Variants in TIA1 observed in about 807,000 individuals in gnomAD.
The protein encoded by TIA1 is TIA1 cytotoxic granule associated RNA binding protein.
TIA1 carries 23 observed loss-of-function variants against 65.9 expected under a neutral mutation model. The ratio of observed to expected loss-of-function variants is 0.35; its 90% confidence interval spans 0.25 to 0.49. The LOEUF is 0.49. Ranked by LOEUF, TIA1 falls within the 20% of genes least tolerant of loss-of-function variation. The pLI, the probability that TIA1 is intolerant of heterozygous loss-of-function variation, is 0.98. For synonymous variants in TIA1, 147 were observed against 149.4 expected, an observed-to-expected ratio of 0.98 and a Z score of 0.12; for missense variants, 371 against 477.9, an observed-to-expected ratio of 0.78 and a Z score of 2.09.
chr2:70,235,794 C>A (rs1332525321), intron 2 of TIA1, among the ~76,000 whole-genome samples: 1 of 152,088 alleles, frequency 6.6e-6, no homozygotes, highest in East Asian at 1.9e-4. Flanking sequence ...CCTGAAAGAG[C>A]CCATATATAT....
chr2:70,217,118 A>G, intron 7 of TIA1, 124 bp from the exon 8 acceptor site: 1 of 853,512 alleles, frequency 1.2e-6, no homozygotes, highest in Non-Finnish European at 1.7e-6. Flanking sequence ...TATGAAATAC[A>G]CAACATATGA....
rs958112786 is a variant in TIA1 at position 70,212,012 on chromosome 2, G to C, written c.*707C>G. The C allele has an allele frequency of 6.6e-6, 1 of 152,534 alleles. No individual in the cohort carries two copies. The highest frequency in any genetic ancestry group is 1.5e-5 in the Non-Finnish European group (1 of 68,012). The allele number at this position is 152,534 out of a possible 1,614,324, so 9.4% of individuals were successfully genotyped here. A position where few individuals can be genotyped will look rare whatever the true frequency, so the allele number is the denominator to read the frequency against. ...TAAACAAATCCAACAGGAAATTCTT[G>C]AGGCACCTTCTCATATAAAACACAA... On this transcript the variant is annotated 3_prime_UTR_variant, in exon 13 of 13. Coordinates refer to ENST00000433529, the MANE Select transcript of TIA1 (RefSeq NM_022173.4).
rs1209826497 is a variant in TIA1 at position 70,215,485 on chromosome 2, G to A, written c.774C>T (p.Ser258=). The change falls in exon 11 of 13, where the codon TCC becomes TCT. Residue 258 remains serine, a synonymous_variant. Coordinates refer to ENST00000433529, the MANE Select transcript of TIA1 (RefSeq NM_022173.4). The part of the protein sequence containing the change: ...DKGYSFVRFN[S]HESAAHAIVS... ...CAATTGCATGTGCTGCACTTTCATG[G>A]GAATTGAACCTATTGAAAACAATAT... 3.1e-6 allele frequency: 5 copies of A among 1,610,730 alleles called. No homozygotes were observed. The highest frequency in any genetic ancestry group is 1.3e-5 in the African/African-American group (1 of 74,776).
chr2:70,216,386 C>T lies in TIA1; in HGVS notation c.679+18G>A. On this transcript the variant is annotated intron_variant, in intron 9 of 12. Transcript: ENST00000433529. ...TTGCACTTTAAAAATTAATGCCACA[C>T]AGGGAAGGCTCCCATACCTGTTAGC... The T allele has an allele frequency of 6.2e-7, 1 of 1,601,096 alleles. No homozygotes were observed. Among genetic ancestry groups the T allele is most frequent in the South Asian group, 1.1e-5 (1 of 88,228 alleles).
intron 1 of TIA1, among the ~76,000 whole-genome samples, chr2:70,244,652 G>C (rs550105265): frequency 6.6e-6 from 1 of 151,896 alleles, no homozygotes; most frequent in Non-Finnish European, 1.5e-5. Flanking sequence ...TGGCTAACAC[G>C]GTGAAACTGT....
At chr2:70,244,023 C>T (rs747345110) in intron 1 of TIA1, among the ~76,000 whole-genome samples, 2 of 152,290 alleles carry the variant, frequency 1.3e-5, no homozygotes, top group Admixed American at 6.5e-5. Context: ...CATAAGGATC[C>T]GTATGATCTG....
chr2:70,226,327 C>T (rs1343521012), intron 6 of TIA1, among the ~76,000 whole-genome samples: 2 of 152,080 alleles, frequency 1.3e-5, no homozygotes, highest in African/African-American at 2.4e-5. Context: ...CAATCTTTGC[C>T]TAATTCCAAA....
intron 2 of TIA1, 140 bp downstream of exon 2, chr2:70,235,939 A>T (rs1688702491): frequency 2.1e-6 from 1 of 480,274 alleles, no homozygotes; most frequent in African/African-American, 2.0e-5. Flanking sequence ...ATGGTAAACT[A>T]AGACTATATT....
chr2:70,224,572 G>A lies in TIA1; in HGVS notation c.456C>T (p.Val152=). The part of the protein sequence containing the change: ...ATGKSKGYGF[V]SFFNKWDAEN... Reference sequence around the variant, plus strand: ...AGCTCACCCATTTGTTGAAAAAGGAGACAAAGCCATATCCCTTAGACTTTC... The same window carrying A: ...AGCTCACCCATTTGTTGAAAAAGGAAACAAAGCCATATCCCTTAGACTTTC... Residue 152 remains valine, a synonymous_variant, in exon 7 of 13, where the codon GTC becomes GTT. Coordinates refer to ENST00000433529, the MANE Select transcript of TIA1 (RefSeq NM_022173.4). 12 of 1,614,016 alleles carry A rather than the reference G, an allele frequency of 7.4e-6. No homozygotes were observed. The highest frequency in any genetic ancestry group is 9.3e-6 in the Non-Finnish European group (11 of 1,179,984).
At chr2:70,224,761 T>G in intron 6 of TIA1, 132 bp from the exon 7 acceptor site, 1 of 1,426,654 alleles carries the variant, frequency 7.0e-7, no homozygotes, top group Non-Finnish European at 9.2e-7. Context: ...TCACCTTTTA[T>G]TCTACAAAAT....
In TIA1 at chr2:70,210,855, C is replaced by G. The variant is rs1281802377; in HGVS notation, c.*1864G>C. On this transcript the variant is annotated 3_prime_UTR_variant, in exon 13 of 13. Transcript: ENST00000433529. The stretch of plus-strand genomic sequence containing the variant: ...AGTATTTAAAAAATTTACTCATCTT[C>G]CATAAAGCGACTTTTAATGTATCAA... 1 of 152,102 alleles carries G rather than the reference C, an allele frequency of 6.6e-6. No individual in the cohort carries two copies. The highest frequency in any genetic ancestry group is 1.5e-5 in the Non-Finnish European group (1 of 68,020). 9.4% of individuals were successfully genotyped at this position (152,102 alleles called of 1,614,324 possible). A position where few individuals can be genotyped will look rare whatever the true frequency, so the allele number is the denominator to read the frequency against.
chr2:70,236,246 T>C, intron 1 of TIA1, 71 bp from the exon 2 acceptor site: 2 of 987,354 alleles, frequency 2.0e-6, no homozygotes, highest in Non-Finnish European at 3.1e-6. Context: ...TTGCCCAGGA[T>C]AGAGTGCAAT....
intron 1 of TIA1, among the ~76,000 whole-genome samples, chr2:70,242,569 A>C (rs999199879): frequency 1.3e-5 from 2 of 150,778 alleles, no homozygotes; most frequent in African/African-American, 4.9e-5. Flanking sequence ...AACGATGAAT[A>C]GTTTTTTACC....
At position 70,216,825 on chromosome 2, in the gene TIA1, T is replaced by G. The variant is rs752532476; in HGVS notation, c.583+61A>C. 13 of 1,612,474 alleles carry G rather than the reference T, an allele frequency of 8.1e-6. No individual in the cohort carries two copies. In the East Asian group the frequency reaches 2.9e-4, roughly 36 times the overall value. On this transcript the variant is annotated intron_variant, in intron 8 of 12. Transcript: ENST00000433529. The stretch of plus-strand genomic sequence containing the variant: ...AGTCTCCGGGAACAGCTCTAACATT[T>G]AAAATCTAGCGTATTTTTCTCCAAA...
intron 1 of TIA1, among the ~76,000 whole-genome samples, chr2:70,236,484 C>T (rs1688998770): frequency 6.6e-6 from 1 of 151,988 alleles, no homozygotes; most frequent in African/African-American, 2.4e-5. Context: ...CAGGTGTGAG[C>T]CACTGCACCC....
chr2:70,236,034 T>A, intron 2 of TIA1, 45 bp downstream of exon 2: 1 of 1,148,530 alleles, frequency 8.7e-7, no homozygotes, highest in Non-Finnish European at 1.3e-6. Context: ...TTAAGTAATG[T>A]GTAAAAAAAA....
intron 7 of TIA1, among the ~76,000 whole-genome samples, chr2:70,217,404 CTTT>C (rs138387625): frequency 0.29 from 42,523 of 147,472 alleles, 6,378 homozygotes; most frequent in East Asian, 0.38. Flanking sequence ...ACTTCTTCTT[CTTT>C]TTTTTTTCTT....
At position 70,215,393 on chromosome 2, in the gene TIA1, T is replaced by C; in HGVS notation, c.866A>G (p.Asp289Gly). The change falls in exon 11 of 13, where the codon GAT (aspartate) becomes GGT (glycine). Residue 289 changes from aspartate to glycine, a missense_variant. By Grantham distance (94) the Asp-to-Gly change is moderately conservative. Transcript: ENST00000433529. ...CACCTGTTGCACGGGATTTATCATA[T>C]CAAGAGTTTCTTTGCCCCAATAGCA... ...VKCYWGKETL[D>G]MINPVQQQNQ... The C allele has an allele frequency of 1.2e-6, 2 of 1,614,110 alleles. No individual in the cohort carries two copies. Among genetic ancestry groups the C allele is most frequent in the East Asian group, 2.2e-5 (1 of 44,856 alleles).
intron 7 of TIA1, among the ~76,000 whole-genome samples, chr2:70,223,058 T>C (rs1021720355): frequency 6.6e-6 from 1 of 152,258 alleles, no homozygotes; most frequent in Non-Finnish European, 1.5e-5. Flanking sequence ...TCATACTAAA[T>C]ACACATTCAA....
Sources: gnomAD v4.1 joint callset for allele counts (sites outside exome capture counted in the v4.1 genomes callset) on GRCh38, gnomAD v4.1.1 for gene constraint, MANE v1.5 for transcripts, NCBI Gene and HGNC (gene_info 2026-07-23, HGNC 2026-07-21) for gene names.